TPX2: variants seen among roughly 807,000 people sequenced by gnomAD.
The protein encoded by TPX2 is TPX2 microtubule nucleation factor.
Under a neutral mutation model 93.6 loss-of-function variants are expected in TPX2, and 21 were observed. The ratio of observed to expected loss-of-function variants is 0.22; its 90% confidence interval spans 0.16 to 0.32. The LOEUF (loss-of-function observed/expected upper bound fraction) is 0.32. TPX2 is among the 10% of genes least tolerant of loss of function. The probability of loss-of-function intolerance (pLI) is 1.00; values close to 1 mark genes in which losing one functional copy is unlikely to be tolerated. For missense variants in TPX2, 776 were observed against 871.1 expected (o/e 0.89, Z 1.37); for synonymous variants, 281 against 298.3 (o/e 0.94, Z 0.60).
chr20:31,745,846 G>C (rs2061781075), intron 2 of TPX2, among the ~76,000 whole-genome samples: 1 of 152,120 alleles, frequency 6.6e-6, no homozygotes, highest in African/African-American at 2.4e-5. Flanking sequence ...ATTTTACAAA[G>C]CTCTCTGTCA....
At chr20:31,766,362 A>G (rs924253628) in intron 4 of TPX2, among the ~76,000 whole-genome samples, 194 bp from the exon 5 acceptor site, 1 of 151,882 alleles carries the variant, frequency 6.6e-6, no homozygotes, top group Non-Finnish European at 1.5e-5. Flanking sequence ...CAAGCCCTGG[A>G]TACATCATTT....
At chr20:31,739,694 G>C (rs1420660155) in intron 1 of TPX2, 73 bp downstream of exon 1, 2 of 152,224 alleles carry the variant, frequency 1.3e-5, no homozygotes, top group Non-Finnish European at 2.9e-5. Flanking sequence ...CTGCATGCCC[G>C]TTCTCATTTA....
chr20:31,798,701 G>T lies in TPX2; in HGVS notation c.2133+149G>T, dbSNP rs2062152965. The T allele has an allele frequency of 8.0e-6, 8 of 999,210 alleles. No individual in the cohort carries two copies. The East Asian group carries it at 1.9e-4, about 23-fold the overall frequency. 61.9% of individuals were successfully genotyped at this position (999,210 alleles called of 1,614,324 possible). A position where few individuals can be genotyped will look rare whatever the true frequency, so the allele number is the denominator to read the frequency against. On this transcript the variant is annotated intron_variant, in intron 17 of 17. Coordinates refer to ENST00000300403, the MANE Select transcript of TPX2 (RefSeq NM_012112.5). ...AGGGGGAATTGCACAAACTGAGGGT[G>T]GTGATGAAGTTGAGTTGTGAATGAA...
At chr20:31,775,206 G>T (rs1283696339) in intron 7 of TPX2, among the ~76,000 whole-genome samples, 1 of 151,554 alleles carries the variant, frequency 6.6e-6, no homozygotes, top group Non-Finnish European at 1.5e-5. Flanking sequence ...TCATCCACCC[G>T]CCTCGGCCTC....
intron 7 of TPX2, among the ~76,000 whole-genome samples, chr20:31,774,874 G>C (rs778397733): frequency 2.0e-5 from 3 of 152,064 alleles, no homozygotes; most frequent in Non-Finnish European, 2.9e-5. Context: ...CAAGTAGCTG[G>C]GATTACAAGG....
Position 31,790,654 on chromosome 20 carries a change from T to TA in TPX2, c.1414-2080dup, listed in dbSNP as rs144246341. On this transcript the variant is annotated intron_variant, in intron 12 of 17. Coordinates refer to ENST00000300403, the MANE Select transcript of TPX2 (RefSeq NM_012112.5). ...GGGATTAAGGAGAAGGCTCCCAAGG[T>TA]ATCCTCCTAGAGTCCAAGGTATAAA... Among the ~76,000 whole-genome samples, 225 of 152,324 alleles carry TA rather than the reference T, an allele frequency of 1.5e-3. 1 individual carries two copies. The highest frequency in any genetic ancestry group is 5.2e-3 in the African/African-American group (218 of 41,582).
chr20:31,777,778 A>AAC, intron 9 of TPX2, 140 bp downstream of exon 9: 1 of 869,992 alleles, frequency 1.1e-6, no homozygotes, highest in Non-Finnish European at 1.6e-6. Flanking sequence ...AATATAACAG[A>AAC]TCTTTTTTTT....
chr20:31,741,394 T>A (rs895117055), intron 1 of TPX2, among the ~76,000 whole-genome samples: 3 of 149,328 alleles, frequency 2.0e-5, no homozygotes, highest in African/African-American at 7.4e-5. Flanking sequence ...TCACTGCAAC[T>A]TCTGCCTCCC....
intron 12 of TPX2, among the ~76,000 whole-genome samples, chr20:31,784,902 T>C (rs1196402022): frequency 6.6e-6 from 1 of 152,198 alleles, no homozygotes; most frequent in African/African-American, 2.4e-5. Flanking sequence ...TGGTTTGGAT[T>C]GCCTGGATTG....
chr20:31,752,682 G>A (rs1028411924), intron 2 of TPX2, among the ~76,000 whole-genome samples: 9 of 151,836 alleles, frequency 5.9e-5, no homozygotes, highest in Non-Finnish European at 8.8e-5. Flanking sequence ...GCGTGATCTC[G>A]GCTCACTGCA....
intron 12 of TPX2, among the ~76,000 whole-genome samples, chr20:31,790,772 T>C (rs757075918): frequency 1.3e-5 from 2 of 152,212 alleles, no homozygotes; most frequent in Non-Finnish European, 2.9e-5. Context: ...TGTTAGGTAC[T>C]TGGGTCTGAT....
At chr20:31,782,900 A>T (rs1001984879) in intron 11 of TPX2, among the ~76,000 whole-genome samples, 1 of 117,862 alleles carries the variant, frequency 8.5e-6, no homozygotes, top group African/African-American at 3.3e-5. Context: ...ACACACACAC[A>T]CACACACACA....
chr20:31,782,755 T>C (rs1040295275), intron 11 of TPX2, among the ~76,000 whole-genome samples: 1 of 152,026 alleles, frequency 6.6e-6, no homozygotes, highest in Non-Finnish European at 1.5e-5. Flanking sequence ...TAGCTGGGCA[T>C]GGTGGCATGC....
intron 1 of TPX2, among the ~76,000 whole-genome samples, chr20:31,741,804 A>AC (rs1190061212): frequency 6.6e-6 from 1 of 151,998 alleles, no homozygotes; most frequent in African/African-American, 2.4e-5. Flanking sequence ...TAGTAGATAC[A>AC]GGGTTTCACC....
intron 6 of TPX2, among the ~76,000 whole-genome samples, chr20:31,771,265 C>A (rs1291707239): frequency 6.6e-6 from 1 of 152,070 alleles, no homozygotes; most frequent in Non-Finnish European, 1.5e-5. Context: ...ATTGGGATGG[C>A]AATTAACTCT....
intron 4 of TPX2, among the ~76,000 whole-genome samples, chr20:31,764,163 C>T (rs139987288): frequency 1.3e-5 from 2 of 148,880 alleles, no homozygotes; most frequent in African/African-American, 4.9e-5. Context: ...TACATGTACA[C>T]ATACATGTAT....
At chr20:31,791,573 T>A (rs946482297) in intron 12 of TPX2, among the ~76,000 whole-genome samples, 6 of 152,192 alleles carry the variant, frequency 3.9e-5, no homozygotes, top group African/African-American at 1.4e-4. Context: ...CATGAGCCAC[T>A]GCACCTGGCC....
Position 31,775,957 on chromosome 20 carries a change from A to G in TPX2, c.699A>G (p.Glu233=). ...QEVVEMRKKN[E]EFKKLALAGI... ...TGGTGGAGATGCGGAAAAAGAATGAAGAATTCAAGAAACTTGCTCTGGCTG... is the reference window on the plus strand; with the variant it reads ...TGGTGGAGATGCGGAAAAAGAATGAGGAATTCAAGAAACTTGCTCTGGCTG... The change falls in exon 8 of 18, where the codon GAA becomes GAG. Residue 233 remains glutamate (E), a synonymous_variant. Transcript: ENST00000300403. 1 of 1,576,240 alleles carries G rather than the reference A, an allele frequency of 6.3e-7. No homozygotes were observed. Among genetic ancestry groups the G allele is most frequent in the South Asian group, 1.1e-5 (1 of 88,568 alleles).
At chr20:31,756,128 A>G (rs1301255609) in intron 2 of TPX2, among the ~76,000 whole-genome samples, 2 of 152,246 alleles carry the variant, frequency 1.3e-5, no homozygotes, top group African/African-American at 4.8e-5. Context: ...CTTACTATGT[A>G]TAATGCACTG....
Sources: gnomAD v4.1 joint callset for allele counts (sites outside exome capture counted in the v4.1 genomes callset) on GRCh38, gnomAD v4.1.1 for gene constraint, MANE v1.5 for transcripts, NCBI Gene and HGNC (gene_info 2026-07-23, HGNC 2026-07-21) for gene names.